ANKIB1: variants seen among roughly 807,000 people sequenced by gnomAD.
ANKIB1 encodes the protein ankyrin repeat and IBR domain-containing protein 1.
A neutral mutation model predicts 122.1 loss-of-function variants in ANKIB1; 43 were observed. That is an observed-to-expected ratio of 0.35 (90% CI 0.28 to 0.45). The LOEUF (loss-of-function observed/expected upper bound fraction) is 0.45, where lower values mean the gene tolerates loss of function less well. Ranked by LOEUF, ANKIB1 falls within the 20% of genes least tolerant of loss-of-function variation. The pLI is 1.00. For synonymous variants in ANKIB1, 390 were observed against 442.0 expected, an observed-to-expected ratio of 0.88 and a Z score of 1.48; for missense variants, 992 against 1,329.5, an observed-to-expected ratio of 0.75 and a Z score of 3.95.
chr7:92,310,952 G>C (rs1465003979), intron 3 of ANKIB1, among the ~76,000 whole-genome samples: 3 of 152,140 alleles, frequency 2.0e-5, no homozygotes, highest in African/African-American at 7.2e-5. Context: ...TTAATTCTTA[G>C]TATGAGTCTC....
intron 3 of ANKIB1, among the ~76,000 whole-genome samples, chr7:92,308,090 T>C (rs1484030562): frequency 6.6e-6 from 1 of 152,088 alleles, no homozygotes; most frequent in Non-Finnish European, 1.5e-5. Context: ...CAGGATGGTC[T>C]CCATCTCTTG....
chr7:92,308,887 AC>A (rs1284257917), intron 3 of ANKIB1, among the ~76,000 whole-genome samples: 1 of 152,192 alleles, frequency 6.6e-6, no homozygotes, highest in Non-Finnish European at 1.5e-5. Context: ...AAAAGTATAT[AC>A]CTTTATTGGA....
At chr7:92,293,468 G>T (rs904279212) in intron 1 of ANKIB1, among the ~76,000 whole-genome samples, 1 of 152,082 alleles carries the variant, frequency 6.6e-6, no homozygotes, top group African/African-American at 2.4e-5. Context: ...GGTATTATAG[G>T]CATGTGCCAC....
chr7:92,289,649 C>A (rs1260226821), intron 1 of ANKIB1, among the ~76,000 whole-genome samples: 1 of 152,164 alleles, frequency 6.6e-6, no homozygotes, highest in Non-Finnish European at 1.5e-5. Flanking sequence ...CAGTTGAAAT[C>A]ATCTCCTCAG....
At chr7:92,384,581 A>ATG (rs1188670650) in intron 11 of ANKIB1, among the ~76,000 whole-genome samples, 2 of 152,144 alleles carry the variant, frequency 1.3e-5, no homozygotes, top group African/African-American at 4.8e-5. Flanking sequence ...AAATAACACC[A>ATG]TGCATCCACA....
In ANKIB1 at chr7:92,343,357, G is replaced by T. The variant is rs1803473869; in HGVS notation, c.996+125G>T. 78 of 797,270 alleles carry T rather than the reference G, an allele frequency of 9.8e-5. 2 individuals carry two copies. The South Asian group carries it at 1.3e-3, about 14-fold the overall frequency. 49.4% of individuals were successfully genotyped at this position (797,270 alleles called of 1,614,324 possible). ...TGTAATTGAATCCTATCCCTTTCTT[G>T]AAAGGTTCGGTTATTTCCATGCTTC... is the stretch of plus-strand genomic sequence containing the variant. On this transcript the variant is annotated intron_variant, in intron 6 of 19. Coordinates refer to ENST00000265742, the MANE Select transcript of ANKIB1 (RefSeq NM_019004.2).
intron 1 of ANKIB1, among the ~76,000 whole-genome samples, chr7:92,252,743 G>A (rs1014372730): frequency 1.4e-4 from 21 of 151,970 alleles, no homozygotes; most frequent in Admixed American, 9.2e-4. Flanking sequence ...TCGTCTGCCC[G>A]TATATCATGC....
At chr7:92,321,520 T>C (rs1171110027) in intron 4 of ANKIB1, among the ~76,000 whole-genome samples, 1 of 152,178 alleles carries the variant, frequency 6.6e-6, no homozygotes, top group Non-Finnish European at 1.5e-5. Flanking sequence ...GCAGACTGTT[T>C]TCAGTGTTTG....
intron 6 of ANKIB1, among the ~76,000 whole-genome samples, chr7:92,343,927 G>T (rs558390686): frequency 4.9e-4 from 74 of 152,158 alleles, no homozygotes; most frequent in Admixed American, 3.6e-3. Context: ...CATATCATTG[G>T]TGTGCTACTA....
intron 1 of ANKIB1, among the ~76,000 whole-genome samples, chr7:92,272,782 C>G (rs1419313513): frequency 6.6e-6 from 1 of 152,038 alleles, no homozygotes; most frequent in Non-Finnish European, 1.5e-5. Flanking sequence ...AGAAATACAT[C>G]ATTAGATGAT....
intron 2 of ANKIB1, 33 bp downstream of exon 2, chr7:92,295,199 G>T: frequency 7.2e-7 from 1 of 1,398,248 alleles, no homozygotes; most frequent in Non-Finnish European, 9.4e-7. Flanking sequence ...TGGTATTAGG[G>T]TATTACCGTA....
intron 10 of ANKIB1, among the ~76,000 whole-genome samples, chr7:92,367,249 T>A (rs896009646): frequency 6.6e-6 from 1 of 152,188 alleles, no homozygotes; most frequent in African/African-American, 2.4e-5. Flanking sequence ...AAGTCCCAGT[T>A]ATTGTTAAGA....
chr7:92,252,251 C>T (rs943986162), intron 1 of ANKIB1, among the ~76,000 whole-genome samples: 1 of 151,816 alleles, frequency 6.6e-6, no homozygotes, highest in South Asian at 2.1e-4. Flanking sequence ...TCTCATCAAC[C>T]CTCCACTCAT....
chr7:92,334,842 C>T (rs1803253074), intron 5 of ANKIB1, among the ~76,000 whole-genome samples: 1 of 151,826 alleles, frequency 6.6e-6, no homozygotes, highest in South Asian at 2.1e-4. Flanking sequence ...TTGCTGTTTG[C>T]ACCATTTTTT....
At chr7:92,284,583 C>A (rs1003574379) in intron 1 of ANKIB1, among the ~76,000 whole-genome samples, 44 of 152,168 alleles carry the variant, frequency 2.9e-4, no homozygotes, top group African/African-American at 9.9e-4. Context: ...AACATTAAGT[C>A]ATTTTAATTT....
At chr7:92,350,637 C>T (rs547452131) in intron 7 of ANKIB1, among the ~76,000 whole-genome samples, 24 of 152,044 alleles carry the variant, frequency 1.6e-4, no homozygotes, top group African/African-American at 4.1e-4. Flanking sequence ...GCAGGAGAAT[C>T]GCTTGAGACC....
intron 1 of ANKIB1, among the ~76,000 whole-genome samples, chr7:92,257,628 A>G (rs1195191259): frequency 6.6e-6 from 1 of 152,202 alleles, no homozygotes; most frequent in East Asian, 1.9e-4. Flanking sequence ...CCCCGTCTCC[A>G]CTAAAAATAG....
rs1005880397 is a variant in ANKIB1, at chr7:92,399,532, A to C, written c.*583A>C. ...TCACATGAATCAAAGGTTTCCTTTC[A>C]TGTCTATTTACAGTCCAATTGTGCC... On this transcript the variant is annotated 3_prime_UTR_variant, in exon 20 of 20. Transcript: ENST00000265742. 18 of 152,130 alleles carry C rather than the reference A, an allele frequency of 1.2e-4. No individual in the cohort carries two copies. Among genetic ancestry groups the C allele is most frequent in the African/African-American group, 3.9e-4 (16 of 41,426 alleles). 9.4% of individuals were successfully genotyped at this position (152,130 alleles called of 1,614,324 possible). A position where few individuals can be genotyped will look rare whatever the true frequency, so the allele number is the denominator to read the frequency against.
chr7:92,370,767 G>A (rs1804227762), intron 10 of ANKIB1, among the ~76,000 whole-genome samples: 1 of 152,012 alleles, frequency 6.6e-6, no homozygotes, highest in Non-Finnish European at 1.5e-5. Context: ...AAAACATGGA[G>A]AGATTTTTAA....
Sources: allele counts gnomAD v4.1 joint callset (sites outside exome capture counted in the v4.1 genomes callset), GRCh38; gene constraint gnomAD v4.1.1; transcripts MANE v1.5; gene names NCBI Gene and HGNC (gene_info 2026-07-23, HGNC 2026-07-21).